The following KIAA1549L variants were observed in gnomAD, a reference collection of about 807,000 sequenced individuals.
KIAA1549L encodes UPF0606 protein KIAA1549L.
Under a neutral mutation model 160.7 loss-of-function variants are expected in KIAA1549L, and 88 were observed. The observed-to-expected ratio is 0.55, with a 90% CI of 0.46 to 0.65. KIAA1549L has a LOEUF of 0.65. KIAA1549L is among the 30% of genes least tolerant of loss of function. The pLI is 0.00. For missense variants in KIAA1549L, 2,258 were observed against 2,437.5 expected, an observed-to-expected ratio of 0.93 and a Z score of 1.55; for synonymous variants, 950 against 976.7, an observed-to-expected ratio of 0.97 and a Z score of 0.51.
At chr11:33,433,045 C>T (rs58292663) in intron 1 of KIAA1549L, among the ~76,000 whole-genome samples, 8,381 of 152,264 alleles carry the variant, frequency 0.055, 327 homozygotes, top group East Asian at 0.16. Flanking sequence ...ATGACAAAAA[C>T]GCCAAAAGCA....
intron 1 of KIAA1549L, among the ~76,000 whole-genome samples, chr11:33,459,367 A>G (rs906091399): frequency 3.3e-5 from 5 of 152,014 alleles, no homozygotes; most frequent in African/African-American, 1.2e-4. Flanking sequence ...TCGTGTCGCT[A>G]CTTTGGAAAT....
intron 12 of KIAA1549L, 91 bp from the exon 13 acceptor site, chr11:33,598,729 C>T: frequency 7.0e-7 from 1 of 1,436,026 alleles, no homozygotes; most frequent in Non-Finnish European, 9.6e-7. Context: ...TGAAAGGCTA[C>T]AGACATTAAA....
Position 33,579,902 on chromosome 11 carries a change from C to T in KIAA1549L, c.4403-3436C>T, listed in dbSNP as rs575445090. Reference sequence around the variant, plus strand: ...AGAGATCTTTAAAATCCCATTTTCTCCCAGTAGTTTCAAGATCAGCCTACA... The same window carrying T: ...AGAGATCTTTAAAATCCCATTTTCTTCCAGTAGTTTCAAGATCAGCCTACA... On this transcript the variant is annotated intron_variant, in intron 10 of 20. Transcript: ENST00000658780. 7.4e-4 allele frequency among the ~76,000 whole-genome samples: 112 copies of T among 152,242 alleles called. 3 individuals are homozygous for T. The Middle Eastern group carries it at 0.01, about 14-fold the overall frequency.
intron 1 of KIAA1549L, among the ~76,000 whole-genome samples, chr11:33,455,773 C>A (rs184878193): frequency 1.3e-5 from 2 of 152,154 alleles, no homozygotes; most frequent in Admixed American, 1.3e-4. Context: ...TGGTTAATTC[C>A]ATGCTAAATA....
chr11:33,547,078 T>C (rs1422558411), intron 3 of KIAA1549L, among the ~76,000 whole-genome samples: 1 of 152,254 alleles, frequency 6.6e-6, no homozygotes, highest in Non-Finnish European at 1.5e-5. Flanking sequence ...TGAAATATTT[T>C]GCTTCTTTCC....
chr11:33,610,977 C>T (rs1850634104), intron 15 of KIAA1549L, among the ~76,000 whole-genome samples: 1 of 152,156 alleles, frequency 6.6e-6, no homozygotes. Flanking sequence ...GGCCCTGTCA[C>T]CTCCCAAATG....
Position 33,559,814 on chromosome 11 carries a change from A to G in KIAA1549L, c.3921A>G (p.Thr1307=), listed in dbSNP as rs777054653. Residue 1307 remains threonine (T), a synonymous_variant, in exon 7 of 21, where the codon ACA becomes ACG. Transcript: ENST00000658780. The part of the protein sequence containing the change: ...TLVYVVGNQS[T]FLNGTVASSL... Reference sequence around the variant, plus strand: ...TGTACGTCGTGGGCAATCAGAGCACATTCCTCAACGGCACCGTCGCCAGCA... The same window carrying G: ...TGTACGTCGTGGGCAATCAGAGCACGTTCCTCAACGGCACCGTCGCCAGCA... 4 of 1,613,970 alleles carry G rather than the reference A, an allele frequency of 2.5e-6. No individual in the cohort carries two copies. Among genetic ancestry groups the G allele is most frequent in the Non-Finnish European group, 3.4e-6 (4 of 1,179,880 alleles).
At chr11:33,445,467 T>C (rs1851591677) in intron 1 of KIAA1549L, among the ~76,000 whole-genome samples, 1 of 152,244 alleles carries the variant, frequency 6.6e-6, no homozygotes, top group Admixed American at 6.5e-5. Flanking sequence ...TGAAAGGATT[T>C]GTAATCAAGT....
intron 10 of KIAA1549L, among the ~76,000 whole-genome samples, chr11:33,581,630 G>A (rs772135387): frequency 2.5e-4 from 38 of 152,074 alleles, no homozygotes; most frequent in Non-Finnish European, 3.8e-4. Flanking sequence ...GTAGGCACTC[G>A]GGAAATGGGT....
chr11:33,423,826 G>C (rs2134108484), intron 1 of KIAA1549L, among the ~76,000 whole-genome samples: 1 of 152,304 alleles, frequency 6.6e-6, no homozygotes, highest in South Asian at 2.1e-4. Context: ...CTAGGAATTT[G>C]AGACCAGCCT....
chr11:33,519,644 G>A (rs191286997), intron 1 of KIAA1549L, among the ~76,000 whole-genome samples: 2 of 152,098 alleles, frequency 1.3e-5, no homozygotes, highest in Non-Finnish European at 2.9e-5. Flanking sequence ...GAACAAGAAG[G>A]GTGTAAAATC....
chr11:33,522,902 A>C (rs954805990), intron 1 of KIAA1549L, among the ~76,000 whole-genome samples: 7 of 148,728 alleles, frequency 4.7e-5, no homozygotes, highest in Admixed American at 1.3e-4. Context: ...CTCTCTCTCA[A>C]AAAAAAAAAA....
Position 33,637,366 on chromosome 11 carries a change from A to T in KIAA1549L, c.5410-8320A>T, listed in dbSNP as rs571739096. On this transcript the variant is annotated intron_variant, in intron 16 of 20. Transcript: ENST00000658780. The stretch of plus-strand genomic sequence containing the variant: ...TCCTAACCGGCCTCCCATAAATTCC[A>T]ATCACATTTCTTCCCTGCTTAAAAT... Among the ~76,000 whole-genome samples, 4 of 152,236 alleles carry T rather than the reference A, an allele frequency of 2.6e-5. No homozygotes were observed. The East Asian group carries it at 7.7e-4, about 29-fold the overall frequency.
In KIAA1549L at chr11:33,502,168, A is replaced by G. The variant is rs192976972; in HGVS notation, c.239-39634A>G. 1.2e-3 allele frequency among the ~76,000 whole-genome samples: 179 copies of G among 152,302 alleles called. No individual in the cohort carries two copies. In the South Asian group the frequency reaches 0.025, roughly 21 times the overall value. ...CTTCATTTTCCCCTCTTGTTACACC[A>G]GTGATTCTGTTGCAGAGGCCTGATT... is the stretch of plus-strand genomic sequence containing the variant. On this transcript the variant is annotated intron_variant, in intron 1 of 20. Coordinates refer to ENST00000658780, the MANE Select transcript of KIAA1549L (RefSeq NM_012194.3).
chr11:33,390,120 C>T (rs1039227912), intron 1 of KIAA1549L, among the ~76,000 whole-genome samples: 1 of 152,208 alleles, frequency 6.6e-6, no homozygotes, highest in African/African-American at 2.4e-5. Flanking sequence ...CAATTATCCC[C>T]ATGTTTCAGA....
rs549355776 is a variant in KIAA1549L, at chr11:33,669,191, G to T, written c.*1037G>T. On this transcript the variant is annotated 3_prime_UTR_variant, in exon 21 of 21. Transcript: ENST00000658780. ...CCTCTGTTTATAGAAGCTTCTGAATGTAGAAAAGCTGTTGAATTTCATTTA... is the reference window on the plus strand; with the variant it reads ...CCTCTGTTTATAGAAGCTTCTGAATTTAGAAAAGCTGTTGAATTTCATTTA... The T allele has an allele frequency of 5.9e-5, 9 of 152,330 alleles. No individual in the cohort carries two copies. Among genetic ancestry groups the T allele is most frequent in the African/African-American group, 2.2e-4 (9 of 41,560 alleles). The allele number at this position is 152,330 out of a possible 1,614,324, so 9.4% of individuals were successfully genotyped here.
intron 16 of KIAA1549L, among the ~76,000 whole-genome samples, chr11:33,625,083 T>TGA (rs1438232338): frequency 6.6e-6 from 1 of 151,980 alleles, no homozygotes; most frequent in East Asian, 1.9e-4. Flanking sequence ...ACAAAGGACA[T>TGA]GAACTCATCA....
At chr11:33,407,538 G>C (rs1047410406) in intron 1 of KIAA1549L, among the ~76,000 whole-genome samples, 1 of 151,882 alleles carries the variant, frequency 6.6e-6, no homozygotes, top group African/African-American at 2.4e-5. Flanking sequence ...CAGTAGAGAC[G>C]GGGTTTCACC....
intron 9 of KIAA1549L, among the ~76,000 whole-genome samples, chr11:33,569,703 C>T (rs1470343906): frequency 6.6e-6 from 1 of 152,148 alleles, no homozygotes; most frequent in East Asian, 1.9e-4. Flanking sequence ...TTGGATGTTG[C>T]TTTGGTTCTA....
Sources: allele counts gnomAD v4.1 joint callset (sites outside exome capture counted in the v4.1 genomes callset), GRCh38; gene constraint gnomAD v4.1.1; transcripts MANE v1.5; gene names NCBI Gene and HGNC (gene_info 2026-07-23, HGNC 2026-07-21).